SHTN1: variants seen among roughly 807,000 people sequenced by gnomAD.
SHTN1 encodes the protein shootin-1.
In SHTN1, 42 loss-of-function variants were observed where a neutral mutation model predicts 83.1. The observed-to-expected ratio is 0.51, with a 90% CI of 0.39 to 0.65. The LOEUF is 0.65. Ranked by LOEUF, SHTN1 falls within the 30% of genes least tolerant of loss-of-function variation. The pLI is 0.00. For synonymous variants in SHTN1, 224 were observed against 247.7 expected, an observed-to-expected ratio of 0.90 and a Z score of 0.90; for missense variants, 622 against 737.8, an observed-to-expected ratio of 0.84 and a Z score of 1.82.
intron 2 of SHTN1, among the ~76,000 whole-genome samples, chr10:117,026,857 TGATTGTAGA>T: frequency 6.6e-6 from 1 of 152,298 alleles, no homozygotes; most frequent in Middle Eastern, 3.4e-3. Context: ...TGCCACCTGC[TGATTGTAGA>T]GACCCAGGGC....
chr10:117,078,598 T>A (rs1167017820), intron 1 of SHTN1, among the ~76,000 whole-genome samples: 2 of 152,170 alleles, frequency 1.3e-5, no homozygotes, highest in African/African-American at 4.8e-5. Flanking sequence ...ATCCATTGTG[T>A]CTTGTCTATT....
chr10:116,896,436 G>A (rs920197791), intron 16 of SHTN1, among the ~76,000 whole-genome samples: 2 of 151,990 alleles, frequency 1.3e-5, no homozygotes, highest in Non-Finnish European at 2.9e-5. Context: ...GGAAGGCTAG[G>A]CCCCAACCAG....
At chr10:117,107,339 C>A (rs1349179274) in intron 1 of SHTN1, among the ~76,000 whole-genome samples, 11 of 152,194 alleles carry the variant, frequency 7.2e-5, no homozygotes, top group Non-Finnish European at 1.3e-4. Context: ...ATTTCCTCAG[C>A]AGCCTTTCCC....
At chr10:116,998,532 T>C (rs1851713161) in intron 1 of SHTN1, among the ~76,000 whole-genome samples, 2 of 152,212 alleles carry the variant, frequency 1.3e-5, no homozygotes, top group Admixed American at 6.5e-5. Flanking sequence ...AACTTATAAA[T>C]TAAACTTTAT....
chr10:116,976,428 T>C lies in SHTN1; in HGVS notation c.111+2828A>G, dbSNP rs566836722. 3.9e-5 allele frequency among the ~76,000 whole-genome samples: 6 copies of C among 152,282 alleles called. 1 individual carries two copies. The highest frequency in any genetic ancestry group is 1.4e-4 in the African/African-American group (6 of 41,568). ...TGTGGAAGGAAAAAATACCTTGCAATTTATTTTTTTGCTTCCTCTGTTCAC... is the reference window on the plus strand; with the variant it reads ...TGTGGAAGGAAAAAATACCTTGCAACTTATTTTTTTGCTTCCTCTGTTCAC... On this transcript the variant is annotated intron_variant, in intron 2 of 16. Transcript: ENST00000355371.
intron 1 of SHTN1, among the ~76,000 whole-genome samples, chr10:116,989,152 T>C (rs1362740406): frequency 6.6e-6 from 1 of 152,212 alleles, no homozygotes; most frequent in African/African-American, 2.4e-5. Flanking sequence ...AGCAGAATTA[T>C]TATATTTAGT....
At chr10:116,978,758 T>C (rs888533319) in intron 2 of SHTN1, among the ~76,000 whole-genome samples, 5 of 152,200 alleles carry the variant, frequency 3.3e-5, no homozygotes, top group African/African-American at 7.2e-5. Context: ...CTTCCCCACC[T>C]TCACAGTGGA....
intron 1 of SHTN1, among the ~76,000 whole-genome samples, chr10:117,076,593 A>G (rs1165076071): frequency 2.0e-5 from 3 of 152,226 alleles, no homozygotes; most frequent in Admixed American, 6.5e-5. Flanking sequence ...GTCACAAATT[A>G]CAATGCATAT....
At chr10:116,928,729 G>T (rs1848839329) in intron 10 of SHTN1, among the ~76,000 whole-genome samples, 2 of 152,272 alleles carry the variant, frequency 1.3e-5, no homozygotes, top group South Asian at 4.1e-4. Flanking sequence ...GGCAGTGTGG[G>T]CTATGCTCTC....
intron 2 of SHTN1, among the ~76,000 whole-genome samples, chr10:117,025,006 G>A (rs577415338): frequency 3.9e-5 from 6 of 152,258 alleles, no homozygotes; most frequent in African/African-American, 1.2e-4. Context: ...GGACTCGGAT[G>A]GAGCAAGATG....
rs527387292 is a variant in SHTN1 at position 117,088,957 on chromosome 10, C to T, written c.-189+37350G>A. On this transcript the variant is annotated intron_variant, in intron 1 of 17. Coordinates refer to the SHTN1 transcript ENST00000392901. ...ACGTGTTAAGTATCATGTCCCATTC[C>T]TCTCTATATCCCTATAACCTGGCAC... Among the ~76,000 whole-genome samples, 3 of 152,314 alleles carry T rather than the reference C, an allele frequency of 2.0e-5. No individual in the cohort carries two copies. In the East Asian group the frequency reaches 5.8e-4, roughly 29 times the overall value.
At chr10:116,952,249 T>C (rs186181634) in intron 5 of SHTN1, among the ~76,000 whole-genome samples, 3 of 152,300 alleles carry the variant, frequency 2.0e-5, no homozygotes, top group African/African-American at 7.2e-5. Flanking sequence ...TACCAGATCA[T>C]GTTTTCTTTG....
intron 13 of SHTN1, 59 bp from the exon 14 acceptor site, chr10:116,911,902 A>C: frequency 8.0e-7 from 1 of 1,244,834 alleles, no homozygotes; most frequent in Non-Finnish European, 1.2e-6. Flanking sequence ...ATACTAAACA[A>C]TGATTTTTAC....
chr10:117,111,115 T>C (rs530249031), intron 1 of SHTN1, among the ~76,000 whole-genome samples: 1 of 151,414 alleles, frequency 6.6e-6, no homozygotes, highest in South Asian at 2.1e-4. Context: ...GAAGAATCGC[T>C]TGAACCTGGG....
chr10:116,888,262 C>T (rs184171394), intron 16 of SHTN1, among the ~76,000 whole-genome samples: 3 of 152,312 alleles, frequency 2.0e-5, no homozygotes, highest in African/African-American at 7.2e-5. Flanking sequence ...TGCCGCTATG[C>T]TTTGGGAATC....
intron 1 of SHTN1, among the ~76,000 whole-genome samples, chr10:117,075,249 A>C (rs1853135749): frequency 6.6e-6 from 1 of 152,084 alleles, no homozygotes; most frequent in South Asian, 2.1e-4. Context: ...AGCCCTCAAC[A>C]TAGAGGCTCC....
At chr10:117,048,762 A>G (rs983856162) in intron 1 of SHTN1, among the ~76,000 whole-genome samples, 1 of 152,228 alleles carries the variant, frequency 6.6e-6, no homozygotes, top group Non-Finnish European at 1.5e-5. Flanking sequence ...CTGTAAACCT[A>G]ACACATGCAT....
At chr10:117,024,342 A>ACTTTT (rs1462689857) in intron 2 of SHTN1, among the ~76,000 whole-genome samples, 4 of 144,684 alleles carry the variant, frequency 2.8e-5, no homozygotes, top group Non-Finnish European at 6.0e-5. Flanking sequence ...ACTTGTCAAA[A>ACTTTT]CTTTTCTTTT....
At chr10:117,106,671 A>C (rs1853675367) in intron 1 of SHTN1, among the ~76,000 whole-genome samples, 1 of 152,168 alleles carries the variant, frequency 6.6e-6, no homozygotes, top group African/African-American at 2.4e-5. Flanking sequence ...TGGCATTTAA[A>C]GCCAAACTCG....
Sources: allele counts gnomAD v4.1 joint callset (sites outside exome capture counted in the v4.1 genomes callset), GRCh38; gene constraint gnomAD v4.1.1; transcripts MANE v1.5; gene names NCBI Gene and HGNC (gene_info 2026-07-23, HGNC 2026-07-21).